The following MKLN1 variants were observed in gnomAD, a reference collection of about 807,000 sequenced individuals.
MKLN1 encodes the protein muskelin.
In MKLN1, 18 loss-of-function variants were observed where a neutral mutation model predicts 99.0. The ratio of observed to expected loss-of-function variants is 0.18; its 90% CI spans 0.13 to 0.27. The LOEUF (loss-of-function observed/expected upper bound fraction) is 0.27. MKLN1 is among the 10% of genes least tolerant of loss of function. The pLI, the probability that MKLN1 is intolerant of heterozygous loss-of-function variation, is 1.00. For synonymous variants in MKLN1, 288 were observed against 293.2 expected (o/e 0.98, Z 0.18); for missense variants, 621 against 875.9 (o/e 0.71, Z 3.67).
At chr7:131,332,477 A>G (rs1799107926) in intron 1 of MKLN1, among the ~76,000 whole-genome samples, 1 of 148,860 alleles carries the variant, frequency 6.7e-6, no homozygotes, top group Admixed American at 6.7e-5. Context: ...TATATTTTAT[A>G]TATCTTTTAA....
At chr7:131,169,032 T>TAAA (rs1796177774) in intron 2 of MKLN1, among the ~76,000 whole-genome samples, 1 of 152,190 alleles carries the variant, frequency 6.6e-6, no homozygotes. Context: ...CACGCCTGGC[T>TAAA]AATATTTGTA....
intron 17 of MKLN1, among the ~76,000 whole-genome samples, chr7:131,483,469 T>C (rs532030346): frequency 3.3e-4 from 50 of 152,358 alleles, no homozygotes; most frequent in African/African-American, 1.2e-3. Flanking sequence ...ATCTACTGAT[T>C]AATATATAAC....
At chr7:131,329,316 C>G (rs1798997789) in intron 1 of MKLN1, among the ~76,000 whole-genome samples, 1 of 152,206 alleles carries the variant, frequency 6.6e-6, no homozygotes, top group African/African-American at 2.4e-5. Flanking sequence ...ATGAAGGGTG[C>G]CAAGTGACCT....
At chr7:131,461,091 T>G (rs1796500290) in intron 12 of MKLN1, among the ~76,000 whole-genome samples, 1 of 152,194 alleles carries the variant, frequency 6.6e-6, no homozygotes, top group African/African-American at 2.4e-5. Flanking sequence ...GTCCGTGATA[T>G]GGTGTAACCT....
rs146568678 is a variant in MKLN1, at chr7:131,395,609, C to T, written c.401-1658C>T. On this transcript the variant is annotated intron_variant, in intron 4 of 17. Coordinates refer to ENST00000352689, the MANE Select transcript of MKLN1 (RefSeq NM_013255.5). ...ACCAAGGTGCTAGCAGTTTTACACA[C>T]CATTGCTTTTGTACCATTAGTGCAA... 1.3e-3 allele frequency among the ~76,000 whole-genome samples: 200 copies of T among 151,704 alleles called. 2 individuals are homozygous for T. Among genetic ancestry groups the T allele is most frequent in the African/African-American group, 4.7e-3 (192 of 41,242 alleles).
chr7:131,204,872 G>C, intron 3 of MKLN1, among the ~76,000 whole-genome samples: 1 of 151,292 alleles, frequency 6.6e-6, no homozygotes, highest in East Asian at 1.9e-4. Flanking sequence ...AGGCGGAGCT[G>C]GCAGTGAGCC....
intron 2 of MKLN1, among the ~76,000 whole-genome samples, chr7:131,162,000 T>TATATATAG (rs1491177471): frequency 2.4e-4 from 31 of 126,992 alleles, no homozygotes; most frequent in African/African-American, 7.5e-4. Flanking sequence ...TATATATATA[T>TATATATAG]GTAACAGAGT....
chr7:131,478,756 C>T (rs1198204275), intron 17 of MKLN1, 79 bp downstream of exon 17: 2 of 1,479,202 alleles, frequency 1.4e-6, no homozygotes, highest in Non-Finnish European at 1.9e-6. Flanking sequence ...TTACGTGAAA[C>T]ATCAGGTGAG....
intron 7 of MKLN1, 38 bp downstream of exon 7, chr7:131,411,421 A>G (rs771277801): frequency 2.3e-6 from 3 of 1,325,044 alleles, no homozygotes; most frequent in Non-Finnish European, 3.3e-6. Context: ...CTTTTTCATT[A>G]ATGTCTCAGT....
chr7:131,358,374 T>C (rs559741030), intron 1 of MKLN1, among the ~76,000 whole-genome samples: 1 of 152,328 alleles, frequency 6.6e-6, no homozygotes, highest in South Asian at 2.1e-4. Context: ...AATAGCCCTG[T>C]AATAAGTACG....
At chr7:131,477,721 G>A (rs1341971639) in intron 16 of MKLN1, among the ~76,000 whole-genome samples, 2 of 152,136 alleles carry the variant, frequency 1.3e-5, no homozygotes, top group African/African-American at 4.8e-5. Flanking sequence ...GCTTACAAAT[G>A]TTGGTATGAT....
intron 8 of MKLN1, among the ~76,000 whole-genome samples, chr7:131,427,279 G>A (rs1431777419): frequency 6.6e-6 from 1 of 152,178 alleles, no homozygotes; most frequent in East Asian, 1.9e-4. Context: ...GTAGAAGATA[G>A]CCTAACTCTG....
chr7:131,317,120 C>A (rs1798683288), intron 3 of MKLN1, among the ~76,000 whole-genome samples: 1 of 152,114 alleles, frequency 6.6e-6, no homozygotes, highest in African/African-American at 2.4e-5. Flanking sequence ...CTAAGATATT[C>A]CTTGAGAAGA....
chr7:131,362,985 T>G (rs1800075504), intron 1 of MKLN1, among the ~76,000 whole-genome samples: 1 of 152,070 alleles, frequency 6.6e-6, no homozygotes, highest in African/African-American at 2.4e-5. Flanking sequence ...TTTTCTTAAT[T>G]TCATTTAGGT....
chr7:131,222,154 G>A (rs534084655), intron 3 of MKLN1, among the ~76,000 whole-genome samples: 5 of 152,234 alleles, frequency 3.3e-5, no homozygotes, highest in South Asian at 4.1e-4. Flanking sequence ...TCGGCCTCCC[G>A]AAGTGCTGGG....
At chr7:131,333,534 A>G (rs1338957540) in intron 1 of MKLN1, among the ~76,000 whole-genome samples, 1 of 151,766 alleles carries the variant, frequency 6.6e-6, no homozygotes, top group Non-Finnish European at 1.5e-5. Context: ...GTTTTGCTTT[A>G]CAGAAATTTT....
chr7:131,409,779 A>G lies in MKLN1; in HGVS notation c.704-1527A>G, dbSNP rs1353825365. ...GCTAGGGTTTCTAGCTTAAAAAGTA[A>G]GGAAATGTTATTGTAGCACATAGCA... is the stretch of plus-strand genomic sequence containing the variant. On this transcript the variant is annotated intron_variant, in intron 6 of 17. Coordinates refer to ENST00000352689, the MANE Select transcript of MKLN1 (RefSeq NM_013255.5). 2.6e-5 allele frequency among the ~76,000 whole-genome samples: 4 copies of G among 152,226 alleles called. No homozygotes were observed. The East Asian group carries it at 7.7e-4, about 29-fold the overall frequency.
intron 2 of MKLN1, among the ~76,000 whole-genome samples, chr7:131,183,892 C>A (rs979877709): frequency 6.6e-6 from 1 of 151,932 alleles, no homozygotes; most frequent in Non-Finnish European, 1.5e-5. Flanking sequence ...GAACAGGAAG[C>A]TTGTGGGAAC....
intron 3 of MKLN1, among the ~76,000 whole-genome samples, chr7:131,254,109 C>CAG (rs1563268449): frequency 1.3e-5 from 2 of 152,288 alleles, no homozygotes; most frequent in Admixed American, 1.3e-4. Context: ...GAGAACGTAA[C>CAG]AGAGAGAGAG....
Sources: gnomAD v4.1 joint callset for allele counts (sites outside exome capture counted in the v4.1 genomes callset) on GRCh38, gnomAD v4.1.1 for gene constraint, MANE v1.5 for transcripts, NCBI Gene and HGNC (gene_info 2026-07-23, HGNC 2026-07-21) for gene names.